Variants in MAP2 observed in about 807,000 individuals in gnomAD.
MAP2 encodes the protein microtubule-associated protein 2.
Under a neutral mutation model 137.6 loss-of-function variants are expected in MAP2, and 14 were observed. The ratio of observed to expected loss-of-function variants is 0.10; its 90% confidence interval spans 0.07 to 0.16. MAP2 has a LOEUF of 0.16. MAP2 is among the 10% of genes least tolerant of loss of function. The pLI, the probability that MAP2 is intolerant of heterozygous loss-of-function variation, is 1.00. For missense variants in MAP2, 2,088 were observed against 2,191.5 expected (o/e 0.95, Z 0.94); for synonymous variants, 786 against 782.3 (o/e 1.00, Z -0.08).
chr2:209,686,199 T>A (rs1583406142), intron 7 of MAP2, among the ~76,000 whole-genome samples: 3 of 152,312 alleles, frequency 2.0e-5, no homozygotes, highest in African/African-American at 7.2e-5. Context: ...ATATCAAACG[T>A]TATTTTAGGC....
chr2:209,447,958 C>T (rs111721155), intron 1 of MAP2, among the ~76,000 whole-genome samples: 6 of 152,202 alleles, frequency 3.9e-5, no homozygotes, highest in African/African-American at 7.2e-5. Context: ...CTAAGAGTAT[C>T]GGCCTCACTT....
intron 2 of MAP2, among the ~76,000 whole-genome samples, chr2:209,554,711 T>C (rs114457832): frequency 0.021 from 3,167 of 151,884 alleles, 100 homozygotes; most frequent in African/African-American, 0.071. Context: ...GCCTGAATTA[T>C]TCCACTGCAC....
At chr2:209,537,063 T>C (rs924873686) in intron 2 of MAP2, among the ~76,000 whole-genome samples, 2 of 152,224 alleles carry the variant, frequency 1.3e-5, no homozygotes, top group Non-Finnish European at 2.9e-5. Flanking sequence ...TTTTGCTTTA[T>C]TGTGCTTCAC....
At chr2:209,666,450 T>G (rs539195513) in intron 5 of MAP2, among the ~76,000 whole-genome samples, 2 of 152,008 alleles carry the variant, frequency 1.3e-5, no homozygotes, top group African/African-American at 2.4e-5. Context: ...GGAATAACAG[T>G]AGAGGAATAA....
intron 4 of MAP2, among the ~76,000 whole-genome samples, chr2:209,627,506 G>A (rs2092499685): frequency 6.6e-6 from 1 of 152,032 alleles, no homozygotes; most frequent in South Asian, 2.1e-4. Context: ...TGCATAGGAG[G>A]CAAATAAGGC....
rs56283066 is a variant in MAP2, at chr2:209,676,720, C to CATATATAT, written c.263-1807_263-1800dup. On this transcript the variant is annotated intron_variant, in intron 5 of 15. Transcript: ENST00000682079. The stretch of plus-strand genomic sequence containing the variant: ...GGAATGATCCAGAAGACACAAAGGT[C>CATATATAT]ATATATATATATATATATATATATA... Among the ~76,000 whole-genome samples, 34 of 71,826 alleles carry CATATATAT rather than the reference C, an allele frequency of 4.7e-4. 1 individual carries two copies. The highest frequency in any genetic ancestry group is 8.4e-4 in the African/African-American group (10 of 11,914). 47.1% of individuals were successfully genotyped at this position (71,826 alleles called of 152,430 possible). A position where few individuals can be genotyped will look rare whatever the true frequency, so the allele number is the denominator to read the frequency against.
chr2:209,550,110 T>G (rs1386837286), intron 2 of MAP2, among the ~76,000 whole-genome samples: 1 of 152,292 alleles, frequency 6.6e-6, no homozygotes, highest in Non-Finnish European at 1.5e-5. Flanking sequence ...CGGGGGAAGC[T>G]ATAGTGGTGA....
Position 209,696,759 on chromosome 2 carries a change from C to A in MAP2, c.4387+11C>A. The A allele has an allele frequency of 6.3e-7, 1 of 1,595,824 alleles. No individual in the cohort carries two copies. Among genetic ancestry groups the A allele is most frequent in the East Asian group, 2.2e-5 (1 of 44,760 alleles). ...TGAGAAGGAAAAAAGGTTCATTTAA[C>A]AATCACTTCTTTAAAAATGTTTTTG... is the stretch of plus-strand genomic sequence containing the variant. On this transcript the variant is annotated intron_variant, in intron 9 of 15. Coordinates refer to ENST00000682079, the MANE Select transcript of MAP2 (RefSeq NM_001375505.1).
intron 1 of MAP2, among the ~76,000 whole-genome samples, chr2:209,484,828 G>C (rs576490824): frequency 6.6e-6 from 1 of 152,196 alleles, no homozygotes; most frequent in African/African-American, 2.4e-5. Flanking sequence ...AGACTGGCTA[G>C]AAAATAAGGC....
chr2:209,530,440 C>T (rs2064942243), intron 2 of MAP2, among the ~76,000 whole-genome samples: 3 of 152,062 alleles, frequency 2.0e-5, no homozygotes, highest in Non-Finnish European at 2.9e-5. Flanking sequence ...TGAGAATTAG[C>T]CCTATTTATT....
chr2:209,556,024 C>CTTTTTTTTTTTTTTTTTTTT (rs34673279), intron 2 of MAP2, among the ~76,000 whole-genome samples: 1 of 134,220 alleles, frequency 7.5e-6, no homozygotes, highest in African/African-American at 2.8e-5. Flanking sequence ...GGCATTCTTT[C>CTTTTTTTTTTTTTTTTTTTT]TTTTTTTTTT....
At chr2:209,715,575 GA>G (rs950027140) in intron 13 of MAP2, among the ~76,000 whole-genome samples, 5 of 152,080 alleles carry the variant, frequency 3.3e-5, no homozygotes, top group African/African-American at 1.2e-4. Flanking sequence ...ATAAAGATAA[GA>G]AAGAGGCTCA....
intron 13 of MAP2, chr2:209,721,849 T>C (rs906102659): frequency 2.0e-5 from 3 of 152,184 alleles, no homozygotes; most frequent in African/African-American, 7.2e-5. Context: ...ATCATGTCTA[T>C]GTCATTGCCA....
At chr2:209,550,942 C>T (rs951372595) in intron 2 of MAP2, among the ~76,000 whole-genome samples, 5 of 152,074 alleles carry the variant, frequency 3.3e-5, no homozygotes, top group Admixed American at 6.6e-5. Flanking sequence ...TTCTCCCAGT[C>T]ACATTGAGGA....
chr2:209,684,089 C>A (rs1351937733), intron 7 of MAP2, among the ~76,000 whole-genome samples: 1 of 152,044 alleles, frequency 6.6e-6, no homozygotes. Flanking sequence ...GTACAGTAAA[C>A]CAAACCTGTA....
In MAP2 at chr2:209,494,135, G is replaced by A. The variant is rs2059457379; in HGVS notation, c.-221-13457G>A. Among the ~76,000 whole-genome samples the A allele has an allele frequency of 3.9e-5, 6 of 152,080 alleles. No homozygotes were observed. The South Asian group carries it at 1.2e-3, about 32-fold the overall frequency. On this transcript the variant is annotated intron_variant, in intron 1 of 15. Transcript: ENST00000682079. Reference sequence around the variant, plus strand: ...AGAACGAGTTCATGTCCTTTGCAGGGTCATGGATAAAGCTGGAAACCATCA... The same window carrying A: ...AGAACGAGTTCATGTCCTTTGCAGGATCATGGATAAAGCTGGAAACCATCA...
At chr2:209,496,798 A>C (rs2059800477) in intron 1 of MAP2, among the ~76,000 whole-genome samples, 1 of 151,852 alleles carries the variant, frequency 6.6e-6, no homozygotes, top group South Asian at 2.1e-4. Context: ...TGAATCCTTA[A>C]ATTCTTTTTT....
intron 13 of MAP2, chr2:209,723,588 C>A: frequency 1.3e-6 from 2 of 1,583,070 alleles, no homozygotes; most frequent in Non-Finnish European, 1.7e-6. Flanking sequence ...CCTCCAATTC[C>A]TTTTAGGTTA....
At chr2:209,663,151 T>C (rs1046621712) in intron 5 of MAP2, among the ~76,000 whole-genome samples, 3 of 152,152 alleles carry the variant, frequency 2.0e-5, no homozygotes, top group African/African-American at 4.8e-5. Flanking sequence ...CTCTAAGCTA[T>C]TGAGATAAAC....
Sources: gnomAD v4.1 joint callset for allele counts (sites outside exome capture counted in the v4.1 genomes callset) on GRCh38, gnomAD v4.1.1 for gene constraint, MANE v1.5 for transcripts, NCBI Gene and HGNC (gene_info 2026-07-23, HGNC 2026-07-21) for gene names.